ZNF831: variants seen among roughly 807,000 people sequenced by gnomAD.
The protein encoded by ZNF831 is chromosome 20 open reading frame 174.
Under a neutral mutation model 95.8 loss-of-function variants are expected in ZNF831, and 59 were observed. The ratio of observed to expected loss-of-function variants is 0.62; its 90% CI spans 0.50 to 0.77. The LOEUF is 0.77. ZNF831 is among the 30% of genes least tolerant of loss of function. ZNF831 has a pLI of 0.00. For synonymous variants in ZNF831, 961 were observed against 925.5 expected, an observed-to-expected ratio of 1.04 and a Z score of -0.70; for missense variants, 2,205 against 2,164.0, an observed-to-expected ratio of 1.02 and a Z score of -0.38.
intron 1 of ZNF831, among the ~76,000 whole-genome samples, chr20:59,175,370 A>T (rs1400155049): frequency 6.6e-6 from 1 of 151,976 alleles, no homozygotes; most frequent in Admixed American, 6.6e-5. Context: ...GATGATAGGA[A>T]TATTAGACCT....
In ZNF831 at chr20:59,194,251, C is replaced by A. The variant is rs1983886352; in HGVS notation, c.3232C>A (p.Leu1078Ile). Residue 1078 changes from leucine to isoleucine, a missense_variant, in exon 2 of 6, where the codon CTC (leucine) becomes ATC (isoleucine). Physicochemically the swap from Leu to Ile is conservative, Grantham distance 5 (BLOSUM62 2). Transcript: ENST00000371030. ...GGGTGACAGCCACCGTATCCATCGC[C>A]TCTGCATGGGCAGCACTTTGGCAAG... ...MEGDSHRIHR[L>I]CMGSTLARAR... 1.2e-6 allele frequency: 2 copies of A among 1,614,028 alleles called. No individual in the cohort carries two copies. The highest frequency in any genetic ancestry group is 2.7e-5 in the African/African-American group (2 of 75,070).
At chr20:59,222,903 G>A (rs2146678201) in intron 4 of ZNF831, among the ~76,000 whole-genome samples, 1 of 152,326 alleles carries the variant, frequency 6.6e-6, no homozygotes, top group African/African-American at 2.4e-5. Context: ...GCCGAAGGAA[G>A]GGAGAGCAGG....
Position 59,193,539 on chromosome 20 carries a change from C to G in ZNF831, c.2520C>G (p.Ser840Arg), listed in dbSNP as rs144006329. Residue 840 changes from serine (S) to arginine (R), a missense_variant, in exon 2 of 6, where the codon AGC becomes AGG. Transcript: ENST00000371030. ...GCTGGAAGCAACCAGAGCCTGTGAG[C>G]GCAGAGACCCCAGGTGGGCCCACGC... ...LHSWKQPEPV[S>R]AETPGGPTQP... 6 of 1,605,068 alleles carry G rather than the reference C, an allele frequency of 3.7e-6. No individual in the cohort carries two copies. The highest frequency in any genetic ancestry group is 5.1e-6 in the Non-Finnish European group (6 of 1,176,142).
intron 1 of ZNF831, among the ~76,000 whole-genome samples, chr20:59,189,753 C>T (rs56216438): frequency 0.067 from 10,168 of 152,236 alleles, 483 homozygotes; most frequent in Non-Finnish European, 0.1. Flanking sequence ...TCAGGTGATC[C>T]GCCCGCCTCG....
chr20:59,157,215 C>T (rs757612494), intron 2 of ZNF831, among the ~76,000 whole-genome samples: 2 of 152,214 alleles, frequency 1.3e-5, no homozygotes, highest in Non-Finnish European at 2.9e-5. Flanking sequence ...CTTTCCCGCC[C>T]ACTCCCCTAC....
At chr20:59,252,860 T>G (rs561812459) in intron 4 of ZNF831, 118 bp from the exon 5 acceptor site, 22 of 1,047,978 alleles carry the variant, frequency 2.1e-5, no homozygotes, top group South Asian at 2.0e-4. Flanking sequence ...ACACACCCTG[T>G]GAGATGAGGG....
intron 2 of ZNF831, among the ~76,000 whole-genome samples, chr20:59,158,293 G>A (rs11906795): frequency 0.023 from 3,501 of 152,322 alleles, 113 homozygotes; most frequent in African/African-American, 0.078. Context: ...CCTGGCGTGC[G>A]CAGGAAGCCA....
chr20:59,198,686 C>A (rs1262440997), intron 3 of ZNF831, among the ~76,000 whole-genome samples: 2 of 152,360 alleles, frequency 1.3e-5, no homozygotes, highest in South Asian at 2.1e-4. Context: ...GAGCTCTAAC[C>A]AAGAGCTCCT....
rs766338071 is a variant in ZNF831 at position 59,192,269 on chromosome 20, C to T, written c.1250C>T (p.Ala417Val). The change falls in exon 2 of 6, where the codon GCG (alanine) becomes GTG (valine). Residue 417 changes from alanine (A) to valine (V), a missense_variant. Physicochemically the swap from Ala to Val is moderately conservative, Grantham distance 64. Transcript: ENST00000371030. The surrounding 1 kb of genome is among the most constrained non-coding windows in gnomAD (Gnocchi z 5.2). ...RIAQLISHNQ[A>V]VVDDAQLDNV... ...GCCCAGCTCATCTCCCACAACCAGG[C>T]GGTGGTGGACGATGCCCAGCTGGAC... The T allele has an allele frequency of 1.9e-6, 3 of 1,588,856 alleles. No individual in the cohort carries two copies. The highest frequency in any genetic ancestry group is 1.1e-5 in the South Asian group (1 of 87,576).
intron 5 of ZNF831, among the ~76,000 whole-genome samples, 164 bp from the exon 6 acceptor site, chr20:59,253,717 AATGCACCAATTAGTTAT>A (rs1988022316): frequency 6.6e-6 from 1 of 152,226 alleles, no homozygotes; most frequent in Non-Finnish European, 1.5e-5. Flanking sequence ...TATTCGAGTT[AATGCACCAATTAGTTAT>A]TAATGGAAAC....
chr20:59,168,150 A>G (rs1251070383), intron 1 of ZNF831, among the ~76,000 whole-genome samples: 1 of 152,212 alleles, frequency 6.6e-6, no homozygotes, highest in Non-Finnish European at 1.5e-5. Context: ...TTTTGATAGG[A>G]ATTGCATTAA....
At chr20:59,220,229 G>A (rs1300208290) in intron 4 of ZNF831, among the ~76,000 whole-genome samples, 1 of 152,186 alleles carries the variant, frequency 6.6e-6, no homozygotes, top group African/African-American at 2.4e-5. Context: ...CAGTGGATGA[G>A]GCAGGAAGAA....
intron 3 of ZNF831, among the ~76,000 whole-genome samples, chr20:59,196,548 T>C (rs1246434868): frequency 6.6e-6 from 1 of 152,164 alleles, no homozygotes; most frequent in Non-Finnish European, 1.5e-5. Flanking sequence ...TTGGATTGTC[T>C]TTCTCCTTTG....
chr20:59,195,936 G>A lies in ZNF831; in HGVS notation c.3806G>A (p.Gly1269Asp). 1 of 1,614,222 alleles carries A rather than the reference G, an allele frequency of 6.2e-7. No homozygotes were observed. Among genetic ancestry groups the A allele is most frequent in the South Asian group, 1.1e-5 (1 of 91,082 alleles). ...HQVSEPEWKK[G>D]LPWRAKMSRG... is the part of the protein sequence containing the mutation. ...GTGTCTGAGCCAGAATGGAAGAAAG[G>A]CCTGCCTTGGAGGGCAAAGATGTCT... Residue 1269 changes from glycine to aspartate, a missense_variant, in exon 3 of 6, where the codon GGC becomes GAC. Transcript: ENST00000371030.
chr20:59,167,141 A>G (rs1229541086), intron 1 of ZNF831, among the ~76,000 whole-genome samples: 1 of 152,200 alleles, frequency 6.6e-6, no homozygotes, highest in Non-Finnish European at 1.5e-5. Context: ...GTGTGAAGTG[A>G]TATTTTATTG....
rs749261092 is a variant in ZNF831 at position 59,218,870 on chromosome 20, G to A, written c.4027+11814G>A. Among the ~76,000 whole-genome samples, 11 of 152,062 alleles carry A rather than the reference G, an allele frequency of 7.2e-5. No individual in the cohort carries two copies. In the South Asian group the frequency reaches 2.1e-3, roughly 29 times the overall value. On this transcript the variant is annotated intron_variant, in intron 4 of 5. Coordinates refer to ENST00000371030, the MANE Select transcript of ZNF831 (RefSeq NM_178457.3). Reference sequence around the variant, plus strand: ...TCTACTAAAAATATAAAAATTAGCCGGGTGTAGTGGCATGCACCTGTAGTC... The same window carrying A: ...TCTACTAAAAATATAAAAATTAGCCAGGTGTAGTGGCATGCACCTGTAGTC...
At chr20:59,211,862 T>C (rs539592602) in intron 4 of ZNF831, among the ~76,000 whole-genome samples, 1 of 152,148 alleles carries the variant, frequency 6.6e-6, no homozygotes, top group Admixed American at 6.5e-5. Flanking sequence ...TGACCTGTTT[T>C]CCATGGCAGG....
rs1988187994 is a variant in ZNF831, at chr20:59,256,368, G to A, written c.*1625G>A. The A allele has an allele frequency of 6.6e-6, 1 of 152,188 alleles. No individual in the cohort carries two copies. Among genetic ancestry groups the A allele is most frequent in the South Asian group, 2.1e-4 (1 of 4,824 alleles). The allele number at this position is 152,188 out of a possible 1,614,324, so 9.4% of individuals were successfully genotyped here. On this transcript the variant is annotated 3_prime_UTR_variant, in exon 6 of 6. Transcript: ENST00000371030. ...AGCCAAGAAAAACATAAGAAGGGAG[G>A]TAAAAAGGATGTTGGACATTGACTT...
At chr20:59,221,664 G>A (rs1351865036) in intron 4 of ZNF831, among the ~76,000 whole-genome samples, 1 of 152,208 alleles carries the variant, frequency 6.6e-6, no homozygotes, top group East Asian at 1.9e-4. Context: ...CATACGTTGA[G>A]GAAAAGAAAT....
Sources: allele counts gnomAD v4.1 joint callset (sites outside exome capture counted in the v4.1 genomes callset), GRCh38; gene constraint gnomAD v4.1.1; non-coding constraint Gnocchi (gnomAD v3.1); transcripts MANE v1.5; gene names NCBI Gene and HGNC (gene_info 2026-07-23, HGNC 2026-07-21).